NCALD: variants seen among roughly 807,000 people sequenced by gnomAD.
NCALD encodes neurocalcin-delta.
A neutral mutation model predicts 18.6 loss-of-function variants in NCALD; 10 were observed. That is an observed-to-expected ratio of 0.54 (90% confidence interval 0.33 to 0.91). The LOEUF is 0.91. NCALD is among the 40% of genes least tolerant of loss of function. NCALD has a pLI of 0.03. For synonymous variants in NCALD, 88 were observed against 87.4 expected (o/e 1.01, Z -0.04); for missense variants, 184 against 247.6 (o/e 0.74, Z 1.72).
chr8:102,023,179 G>A (rs1415450312), intron 1 of NCALD, among the ~76,000 whole-genome samples: 1 of 152,212 alleles, frequency 6.6e-6, no homozygotes. Context: ...GCTGACCACA[G>A]TTTCTAGCAT....
At position 101,688,761 on chromosome 8, in the gene NCALD, AC is replaced by A. The variant is rs1314444410; in HGVS notation, c.*547del. ...TTGAAATGTTCACAGCTTAGAAACT[AC>A]AGCCTGCTGGGGAAGAGAGGGGAGT... On this transcript the variant is annotated 3_prime_UTR_variant, in exon 4 of 4. Transcript: ENST00000220931. 1 of 561,728 alleles carries A rather than the reference AC, an allele frequency of 1.8e-6. No individual in the cohort carries two copies. The highest frequency in any genetic ancestry group is 3.4e-6 in the Non-Finnish European group (1 of 296,434). The allele number at this position is 561,728 out of a possible 1,614,324, so 34.8% of individuals were successfully genotyped here. A position where few individuals can be genotyped will look rare whatever the true frequency, so the allele number is the denominator to read the frequency against.
At chr8:102,006,310 C>T (rs954312218) in intron 2 of NCALD, among the ~76,000 whole-genome samples, 5 of 146,658 alleles carry the variant, frequency 3.4e-5, no homozygotes, top group Non-Finnish European at 6.0e-5. Flanking sequence ...CATTGGTTCT[C>T]TTTTTTTTTT....
At chr8:101,864,576 C>T (rs1327473415) in intron 4 of NCALD, among the ~76,000 whole-genome samples, 1 of 150,812 alleles carries the variant, frequency 6.6e-6, no homozygotes, top group Non-Finnish European at 1.5e-5. Context: ...TAGGATTGTT[C>T]CAATTTTCTT....
chr8:101,948,065 G>A (rs747571461), intron 2 of NCALD, among the ~76,000 whole-genome samples: 1 of 152,242 alleles, frequency 6.6e-6, no homozygotes, highest in Non-Finnish European at 1.5e-5. Flanking sequence ...GTCATTAGGA[G>A]TCCTTGAAGA....
At chr8:101,891,891 A>G (rs1816909246) in intron 3 of NCALD, among the ~76,000 whole-genome samples, 1 of 152,148 alleles carries the variant, frequency 6.6e-6, no homozygotes, top group Non-Finnish European at 1.5e-5. Flanking sequence ...GATTCCTACC[A>G]CAGCAGTCTG....
At chr8:101,780,191 G>A (rs1417374861) in intron 1 of NCALD, among the ~76,000 whole-genome samples, 2 of 152,016 alleles carry the variant, frequency 1.3e-5, no homozygotes, top group African/African-American at 4.8e-5. Flanking sequence ...GACTATCTGG[G>A]TATATTACTA....
intron 2 of NCALD, among the ~76,000 whole-genome samples, chr8:101,970,576 T>A (rs1357610954): frequency 1.3e-5 from 2 of 152,176 alleles, no homozygotes; most frequent in African/African-American, 4.8e-5. Flanking sequence ...TACACAGTTG[T>A]TAAGTTTCAG....
chr8:101,946,809 C>CAA (rs71268537), intron 2 of NCALD, among the ~76,000 whole-genome samples: 2,083 of 65,652 alleles, frequency 0.032, 84 homozygotes, highest in African/African-American at 0.053. Context: ...CATCAATTAG[C>CAA]AAAAAAAAAA....
rs530744109 is a variant in NCALD at position 101,705,525 on chromosome 8, C to T, written c.379-12629G>A. ...TCGCCACTGCCTTTCTCGAGGTAAACTCTAGGTCCCCTCCCCTTGAGCCTG... is the reference window on the plus strand; with the variant it reads ...TCGCCACTGCCTTTCTCGAGGTAAATTCTAGGTCCCCTCCCCTTGAGCCTG... On this transcript the variant is annotated intron_variant, in intron 2 of 3. Coordinates refer to ENST00000220931, the MANE Select transcript of NCALD (RefSeq NM_032041.3). 1.1e-4 allele frequency among the ~76,000 whole-genome samples: 17 copies of T among 152,252 alleles called. No homozygotes were observed. In the East Asian group the frequency reaches 3.3e-3, roughly 29 times the overall value.
intron 4 of NCALD, among the ~76,000 whole-genome samples, chr8:101,843,333 C>T (rs527859589): frequency 2.0e-5 from 3 of 152,190 alleles, no homozygotes; most frequent in Non-Finnish European, 4.4e-5. Flanking sequence ...TCAGGCCTCA[C>T]GCTAGACCTA....
At chr8:102,084,609 G>T (rs2186683) in intron 1 of NCALD, among the ~76,000 whole-genome samples, 3 of 152,002 alleles carry the variant, frequency 2.0e-5, no homozygotes, top group African/African-American at 7.3e-5. Context: ...TGGGAGGGGC[G>T]CCACACGCAA....
At chr8:101,804,347 T>TATATATAATTATATCAATTATATATA (rs1812987875) in intron 4 of NCALD, among the ~76,000 whole-genome samples, 11 of 129,116 alleles carry the variant, frequency 8.5e-5, no homozygotes, top group Admixed American at 3.4e-4. Context: ...AATTATATAT[T>TATATATAATTATATCAATTATATATA]ATATATAATT....
intron 1 of NCALD, among the ~76,000 whole-genome samples, chr8:102,113,993 G>C (rs1159294432): frequency 6.6e-6 from 1 of 152,226 alleles, no homozygotes; most frequent in Non-Finnish European, 1.5e-5. Flanking sequence ...CCCCTCAAGG[G>C]GGTCACTCCG....
At chr8:101,889,136 G>A (rs1816781755) in intron 3 of NCALD, among the ~76,000 whole-genome samples, 2 of 152,158 alleles carry the variant, frequency 1.3e-5, no homozygotes, top group Admixed American at 1.3e-4. Flanking sequence ...CATCATGCCT[G>A]CAACTCTGAT....
intron 1 of NCALD, among the ~76,000 whole-genome samples, chr8:102,023,302 A>G (rs559759691): frequency 6.2e-4 from 95 of 152,290 alleles, no homozygotes; most frequent in Non-Finnish European, 1.2e-4. Context: ...GAGATGTCAT[A>G]CTGTGCCGTG....
chr8:101,703,627 G>A (rs984660778), intron 2 of NCALD, among the ~76,000 whole-genome samples: 1 of 152,230 alleles, frequency 6.6e-6, no homozygotes, highest in Non-Finnish European at 1.5e-5. Context: ...TAAGTCCTAT[G>A]TTGGCCCCAG....
At chr8:101,710,017 G>T (rs1394864695) in intron 2 of NCALD, among the ~76,000 whole-genome samples, 1 of 152,218 alleles carries the variant, frequency 6.6e-6, no homozygotes, top group Non-Finnish European at 1.5e-5. Flanking sequence ...CCAGTCTGCA[G>T]CTCCCAGCAA....
At chr8:101,842,806 A>G (rs958369764) in intron 4 of NCALD, among the ~76,000 whole-genome samples, 1 of 152,240 alleles carries the variant, frequency 6.6e-6, no homozygotes, top group Non-Finnish European at 1.5e-5. Context: ...ACCTCTGGTA[A>G]CAGGCAGCAG....
At chr8:101,921,284 A>T (rs1170047410) in intron 2 of NCALD, among the ~76,000 whole-genome samples, 2 of 151,410 alleles carry the variant, frequency 1.3e-5, no homozygotes, top group African/African-American at 4.9e-5. Context: ...CTCAAATTAT[A>T]TTATTGAATT....
Sources: gnomAD v4.1 joint callset for allele counts (sites outside exome capture counted in the v4.1 genomes callset) on GRCh38, gnomAD v4.1.1 for gene constraint, MANE v1.5 for transcripts, NCBI Gene and HGNC (gene_info 2026-07-23, HGNC 2026-07-21) for gene names.